XPO6: variants seen among roughly 807,000 people sequenced by gnomAD.
XPO6 encodes exportin 6, also known as exportin-6.
XPO6 carries 3 observed loss-of-function variants against 130.0 expected under a neutral mutation model. The ratio of observed to expected loss-of-function variants is 0.02; its 90% confidence interval spans 0.01 to 0.06. The LOEUF is 0.06. Ranked by LOEUF, XPO6 falls within the 10% of genes least tolerant of loss-of-function variation. The pLI is 1.00. For missense variants in XPO6, 970 were observed against 1,393.0 expected (o/e 0.70, Z 4.83); for synonymous variants, 524 against 548.9 (o/e 0.95, Z 0.63).
At chr16:28,147,233 G>T (rs553659214) in intron 8 of XPO6, among the ~76,000 whole-genome samples, 1 of 152,288 alleles carries the variant, frequency 6.6e-6, no homozygotes, top group East Asian at 1.9e-4. Context: ...GGTATCCAGT[G>T]GGAGTTCTGT....
intron 7 of XPO6, 47 bp downstream of exon 7, chr16:28,156,027 C>T: frequency 6.4e-7 from 1 of 1,555,376 alleles, no homozygotes; most frequent in East Asian, 2.2e-5. Flanking sequence ...GGTAAACAGT[C>T]AGGGCCCTTT....
At chr16:28,175,843 T>A (rs2043526105) in intron 4 of XPO6, 55 bp downstream of exon 4, 1 of 1,528,798 alleles carries the variant, frequency 6.5e-7, no homozygotes, top group Non-Finnish European at 9.0e-7. Context: ...AAGGAAATAA[T>A]CACTTCAACA....
At chr16:28,129,051 G>T (rs1234482864) in intron 12 of XPO6, among the ~76,000 whole-genome samples, 1 of 152,190 alleles carries the variant, frequency 6.6e-6, no homozygotes, top group African/African-American at 2.4e-5. Flanking sequence ...CTGGGTGTGT[G>T]TTTTAAACTG....
intron 1 of XPO6, among the ~76,000 whole-genome samples, chr16:28,188,787 C>A (rs1339182565): frequency 6.6e-6 from 1 of 151,224 alleles, no homozygotes; most frequent in African/African-American, 2.4e-5. Flanking sequence ...GGAACCAGGG[C>A]GAGTGACATC....
intron 1 of XPO6, among the ~76,000 whole-genome samples, chr16:28,207,525 C>T (rs1158069540): frequency 6.6e-6 from 1 of 152,154 alleles, no homozygotes; most frequent in African/African-American, 2.4e-5. Flanking sequence ...TAATTCTATA[C>T]TGCAACTATA....
At chr16:28,206,132 AAAGC>A (rs2044025770) in intron 1 of XPO6, among the ~76,000 whole-genome samples, 1 of 143,824 alleles carries the variant, frequency 7.0e-6, no homozygotes, top group Non-Finnish European at 1.5e-5. Context: ...TGGCATATAG[AAAGC>A]AATACACACA....
Position 28,176,013 on chromosome 16 carries a change from G to A in XPO6, c.290C>T (p.Ala97Val), listed in dbSNP as rs765591868. The A allele has an allele frequency of 6.2e-7, 1 of 1,614,206 alleles. No homozygotes were observed. The highest frequency in any genetic ancestry group is 2.2e-5 in the East Asian group (1 of 44,878). The change falls in exon 4 of 24, where the codon GCT becomes GTT. Residue 97 changes from alanine (A) to valine (V), a missense_variant. Coordinates refer to ENST00000304658, the MANE Select transcript of XPO6 (RefSeq NM_015171.4). ...AAAGTAAGGTAAGGTTTTATGGTGAGCCAAAAGGAGTTTGGGCAGACAGCT... is the reference window on the plus strand; with the variant it reads ...AAAGTAAGGTAAGGTTTTATGGTGAACCAAAAGGAGTTTGGGCAGACAGCT... ...IRSCLPKLLL[A>V]HHKTLPYFIR... is the part of the protein sequence containing the mutation.
chr16:28,199,520 G>A (rs1385836230), intron 1 of XPO6, among the ~76,000 whole-genome samples: 2 of 151,896 alleles, frequency 1.3e-5, no homozygotes, highest in African/African-American at 2.4e-5. Flanking sequence ...CAGGTGATCC[G>A]CCTGCCTCGG....
chr16:28,204,396 C>A (rs954591960), intron 1 of XPO6, among the ~76,000 whole-genome samples: 7 of 151,740 alleles, frequency 4.6e-5, no homozygotes, highest in Non-Finnish European at 7.4e-5. Context: ...AAGGTTTAGT[C>A]AAGCAGATTC....
At chr16:28,138,344 G>A (rs1381302072) in intron 9 of XPO6, among the ~76,000 whole-genome samples, 6 of 152,138 alleles carry the variant, frequency 3.9e-5, no homozygotes, top group African/African-American at 1.4e-4. Flanking sequence ...GAGGACAGAT[G>A]AATTTTGTCA....
intron 1 of XPO6, among the ~76,000 whole-genome samples, chr16:28,210,661 CATTTAGGGGAGTATTGAAAGT>C (rs1271617449): frequency 6.6e-6 from 1 of 151,992 alleles, no homozygotes; most frequent in Non-Finnish European, 1.5e-5. Context: ...TGAGTACACA[CATTTAGGGGAGTATTGAAAGT>C]ATCGGTCTAG....
At chr16:28,203,406 C>T (rs2043981702) in intron 1 of XPO6, among the ~76,000 whole-genome samples, 1 of 152,114 alleles carries the variant, frequency 6.6e-6, no homozygotes, top group Admixed American at 6.6e-5. Context: ...CCTTTCAACA[C>T]AGCCTGTGCT....
intron 5 of XPO6, among the ~76,000 whole-genome samples, chr16:28,168,780 T>TG (rs1491321610): frequency 6.7e-6 from 1 of 148,288 alleles, no homozygotes; most frequent in Non-Finnish European, 1.5e-5. Context: ...TTTTTTGTTT[T>TG]GTTTTTTTTT....
rs760505983 is a variant in XPO6 at position 28,135,184 on chromosome 16, C to T, written c.1443+32G>A. Reference sequence around the variant, plus strand: ...TCTGATTGATGTCACAACATGACAGCGACAAAAAATCAATCAGGGCATGCC... The same window carrying T: ...TCTGATTGATGTCACAACATGACAGTGACAAAAAATCAATCAGGGCATGCC... On this transcript the variant is annotated intron_variant, in intron 10 of 23. Transcript: ENST00000304658. 3.4e-5 allele frequency: 54 copies of T among 1,575,394 alleles called. No individual in the cohort carries two copies. The Middle Eastern group carries it at 5.2e-4, about 15-fold the overall frequency.
chr16:28,173,119 G>A (rs575039298), intron 4 of XPO6: 2 of 152,304 alleles, frequency 1.3e-5, no homozygotes, highest in Admixed American at 1.3e-4. Context: ...ACAAAAGGAT[G>A]TGCATAGGTT....
At chr16:28,103,127 T>A (rs761959073) in intron 21 of XPO6, among the ~76,000 whole-genome samples, 3 of 152,112 alleles carry the variant, frequency 2.0e-5, no homozygotes, top group Non-Finnish European at 4.4e-5. Context: ...ACAGGACACT[T>A]CCATCACCTG....
chr16:28,157,302 A>C (rs901286102), intron 6 of XPO6, among the ~76,000 whole-genome samples: 1 of 152,072 alleles, frequency 6.6e-6, no homozygotes, highest in South Asian at 2.1e-4. Context: ...AGTAAAATAC[A>C]AAGTTAGCCA....
chr16:28,152,766 C>A lies in XPO6; in HGVS notation c.1117G>T (p.Asp373Tyr). The change falls in exon 8 of 24, where the codon GAC (aspartate) becomes TAC (tyrosine). Residue 373 changes from aspartate (D) to tyrosine (Y), a missense_variant. Physicochemically the swap from Asp to Tyr is radical, Grantham distance 160. Around this residue, in one of 4 missense-constraint regions of XPO6, gnomAD observed 936 missense variants for 1,306.8 expected, o/e 0.72. Transcript: ENST00000304658. ...LDESYIEKFT[D>Y]FLRLFVSVHL... ...ACACTCACAAAGAGCCGAAGAAAGT[C>A]AGTAAACTTCTCGATATAGCTAAAT... 6.2e-7 allele frequency: 1 copy of A among 1,613,082 alleles called. No individual in the cohort carries two copies. Among genetic ancestry groups the A allele is most frequent in the South Asian group, 1.1e-5 (1 of 90,728 alleles).
At chr16:28,140,169 T>C (rs901195804) in intron 9 of XPO6, among the ~76,000 whole-genome samples, 4 of 138,254 alleles carry the variant, frequency 2.9e-5, no homozygotes, top group Non-Finnish European at 6.3e-5. Flanking sequence ...GAGGTGGAGG[T>C]TGCAGTGAGC....
Sources: gnomAD v4.1 joint callset for allele counts (sites outside exome capture counted in the v4.1 genomes callset) on GRCh38, gnomAD v4.1.1 for gene constraint, gnomAD v4.1.1 regional missense constraint, MANE v1.5 for transcripts, NCBI Gene and HGNC (gene_info 2026-07-23, HGNC 2026-07-21) for gene names.